PRKD3: variants seen among roughly 807,000 people sequenced by gnomAD.
The protein encoded by PRKD3 is protein kinase D3.
Under a neutral mutation model 99.2 loss-of-function variants are expected in PRKD3, and 47 were observed. That is an observed-to-expected ratio of 0.47 (90% CI 0.38 to 0.60). PRKD3 has a LOEUF of 0.60. Among genes scored for constraint, PRKD3 ranks in the 20% least tolerant of loss-of-function variants. PRKD3 has a pLI of 0.00. For synonymous variants in PRKD3, 392 were observed against 355.4 expected (o/e 1.10, Z -1.16); for missense variants, 1,019 against 1,088.4 (o/e 0.94, Z 0.90).
chr2:37,252,587 A>T lies in PRKD3; in HGVS notation c.*590T>A, dbSNP rs1667582248. ...CTATTTTGGAGTCTTGATTGACCTAAAAAAGAAAGGTAAAACAGCCCAGTG... is the reference window on the plus strand; with the variant it reads ...CTATTTTGGAGTCTTGATTGACCTATAAAAGAAAGGTAAAACAGCCCAGTG... On this transcript the variant is annotated 3_prime_UTR_variant, in exon 19 of 19. Coordinates refer to ENST00000234179, the MANE Select transcript of PRKD3 (RefSeq NM_005813.6). 1.3e-5 allele frequency: 2 copies of T among 152,130 alleles called. No homozygotes were observed. The highest frequency in any genetic ancestry group is 4.1e-4 in the South Asian group (2 of 4,822). 9.4% of individuals were successfully genotyped at this position (152,130 alleles called of 1,614,324 possible).
At chr2:37,284,044 A>G (rs1381877448) in intron 6 of PRKD3, among the ~76,000 whole-genome samples, 1 of 152,174 alleles carries the variant, frequency 6.6e-6, no homozygotes, top group Non-Finnish European at 1.5e-5. Flanking sequence ...TATACTTTAC[A>G]TACGCTTTTA....
intron 2 of PRKD3, among the ~76,000 whole-genome samples, chr2:37,308,826 TTTTTTTTTTGAAAAATGATTC>T (rs1308493091): frequency 1.0e-5 from 1 of 97,598 alleles, no homozygotes; most frequent in East Asian, 9.0e-4. Flanking sequence ...TTAAGCTCTG[TTTTTTTTTTGAAAAATGATTC>T]CTTTTAATTT....
intron 5 of PRKD3, among the ~76,000 whole-genome samples, chr2:37,288,022 C>T (rs572202085): frequency 3.3e-5 from 5 of 152,304 alleles, no homozygotes; most frequent in Admixed American, 1.3e-4. Flanking sequence ...AGACATGTAA[C>T]TGCACTTCTT....
chr2:37,293,342 T>C, intron 2 of PRKD3, 71 bp from the exon 3 acceptor site: 1 of 1,374,456 alleles, frequency 7.3e-7, no homozygotes, highest in Non-Finnish European at 9.7e-7. Flanking sequence ...TTCAATTTTA[T>C]CAAAGAATTT....
intron 11 of PRKD3, among the ~76,000 whole-genome samples, chr2:37,272,839 C>T (rs993790594): frequency 6.6e-6 from 1 of 152,036 alleles, no homozygotes; most frequent in African/African-American, 2.4e-5. Context: ...TAAAATTAGC[C>T]AGGCATAGTG....
intron 12 of PRKD3, among the ~76,000 whole-genome samples, chr2:37,271,768 G>T (rs1045712678): frequency 3.3e-5 from 5 of 152,234 alleles, no homozygotes; most frequent in Non-Finnish European, 7.4e-5. Context: ...CCCTACCTCC[G>T]TGGAAAAACT....
intron 2 of PRKD3, among the ~76,000 whole-genome samples, chr2:37,302,511 T>C (rs1456911535): frequency 6.6e-6 from 1 of 152,248 alleles, no homozygotes; most frequent in Non-Finnish European, 1.5e-5. Context: ...GTTCCAATAG[T>C]TGCAAACAAA....
chr2:37,321,005 C>G (rs1414216779), intron 1 of PRKD3, among the ~76,000 whole-genome samples: 1 of 152,180 alleles, frequency 6.6e-6, no homozygotes, highest in East Asian at 1.9e-4. Context: ...CTGGAAGATG[C>G]AACAAGATGT....
In PRKD3 at chr2:37,305,903, TG is replaced by T. The variant is rs535056368; in HGVS notation, c.288+10333del. ...TTTAACCACCATTCTTCTATGGAGGTGGACTTTATGACACTAGTTTCACACC... is the reference window on the plus strand; with the variant it reads ...TTTAACCACCATTCTTCTATGGAGGTGACTTTATGACACTAGTTTCACACC... On this transcript the variant is annotated intron_variant, in intron 2 of 18. Transcript: ENST00000234179. 2.0e-5 allele frequency among the ~76,000 whole-genome samples: 3 copies of T among 152,170 alleles called. No individual in the cohort carries two copies. The South Asian group carries it at 6.2e-4, about 32-fold the overall frequency.
intron 14 of PRKD3, among the ~76,000 whole-genome samples, chr2:37,266,391 T>C (rs928807947): frequency 5.3e-5 from 8 of 152,118 alleles, no homozygotes; most frequent in African/African-American, 1.9e-4. Context: ...AATGGCATGA[T>C]CTCAGCTCAC....
intron 2 of PRKD3, among the ~76,000 whole-genome samples, chr2:37,306,414 T>G (rs938804602): frequency 2.5e-4 from 38 of 152,244 alleles, no homozygotes; most frequent in African/African-American, 8.7e-4. Context: ...GTTGTTAATT[T>G]TGCTTTATAA....
chr2:37,289,944 G>T (rs1670319834), intron 4 of PRKD3, among the ~76,000 whole-genome samples: 1 of 152,180 alleles, frequency 6.6e-6, no homozygotes, highest in African/African-American at 2.4e-5. Context: ...AAAATTTTAT[G>T]AAACTCAAAT....
At chr2:37,269,737 G>T in intron 12 of PRKD3, 50 bp from the exon 13 acceptor site, 1 of 1,284,898 alleles carries the variant, frequency 7.8e-7, no homozygotes, top group Non-Finnish European at 1.1e-6. Context: ...ATAATACAAT[G>T]TCAACATCTC....
At chr2:37,299,379 A>C (rs1476146833) in intron 2 of PRKD3, among the ~76,000 whole-genome samples, 1 of 152,080 alleles carries the variant, frequency 6.6e-6, no homozygotes, top group Admixed American at 6.5e-5. Context: ...GGGTCACATC[A>C]AGCTAAAAAG....
chr2:37,259,063 A>C (rs1274873839), intron 16 of PRKD3, among the ~76,000 whole-genome samples: 1 of 152,090 alleles, frequency 6.6e-6, no homozygotes, highest in Non-Finnish European at 1.5e-5. Flanking sequence ...AAAAAAAAAA[A>C]ACTCAACTGA....
At chr2:37,306,510 A>G (rs1671174621) in intron 2 of PRKD3, among the ~76,000 whole-genome samples, 1 of 152,216 alleles carries the variant, frequency 6.6e-6, no homozygotes, top group African/African-American at 2.4e-5. Flanking sequence ...AAAACTGTGC[A>G]CTGTTAAACA....
chr2:37,283,398 G>A (rs1359313661), intron 6 of PRKD3, among the ~76,000 whole-genome samples: 2 of 152,110 alleles, frequency 1.3e-5, no homozygotes, highest in Non-Finnish European at 2.9e-5. Flanking sequence ...TAATAACTGG[G>A]TAAAAATAAC....
Position 37,316,258 on chromosome 2 carries a change from C to G in PRKD3, c.267G>C (p.Val89=). ...ELSLSAVKDL[V]CSIVYQKFPE... ...GTACCTTTTGATAAACTATGGAGCACACAAGATCCTTGACAGCAGATAAAG... is the reference window on the plus strand; with the variant it reads ...GTACCTTTTGATAAACTATGGAGCAGACAAGATCCTTGACAGCAGATAAAG... The change falls in exon 2 of 19, where the codon GTG becomes GTC. Residue 89 remains valine, a synonymous_variant. Coordinates refer to ENST00000234179, the MANE Select transcript of PRKD3 (RefSeq NM_005813.6). 6.2e-7 allele frequency: 1 copy of G among 1,613,776 alleles called. No individual in the cohort carries two copies. Among genetic ancestry groups the G allele is most frequent in the South Asian group, 1.1e-5 (1 of 91,060 alleles).
At chr2:37,272,938 G>A (rs1053186649) in intron 11 of PRKD3, among the ~76,000 whole-genome samples, 4 of 148,804 alleles carry the variant, frequency 2.7e-5, no homozygotes, top group Non-Finnish European at 4.5e-5. Flanking sequence ...TATGATTTGC[G>A]CACTGCACTC....
Sources: allele counts gnomAD v4.1 joint callset (sites outside exome capture counted in the v4.1 genomes callset), GRCh38; gene constraint gnomAD v4.1.1; transcripts MANE v1.5; gene names NCBI Gene and HGNC (gene_info 2026-07-23, HGNC 2026-07-21).